RAB38: variants seen among roughly 807,000 people sequenced by gnomAD.
The protein encoded by RAB38 is RAB38, member RAS oncogene family.
In RAB38, 15 loss-of-function variants were observed where a neutral mutation model predicts 18.4. The observed-to-expected ratio is 0.82, with a 90% CI of 0.55 to 1.26. RAB38 has a LOEUF of 1.26. Among genes scored for constraint, RAB38 ranks in the 50% most tolerant of loss-of-function variants. The pLI is 0.00. For synonymous variants in RAB38, 101 were observed against 104.4 expected, an observed-to-expected ratio of 0.97 and a Z score of 0.20; for missense variants, 294 against 267.4, an observed-to-expected ratio of 1.10 and a Z score of -0.69.
the RAB38 span, among the ~76,000 whole-genome samples, chr11:87,814,370 T>C: frequency 6.6e-6 from 1 of 152,220 alleles, no homozygotes; most frequent in African/African-American, 2.4e-5. Context: ...GAATGTATTA[T>C]AGCTGATCAA....
chr11:88,064,845 G>C, the RAB38 span, among the ~76,000 whole-genome samples: 8 of 152,118 alleles, frequency 5.3e-5, no homozygotes, highest in African/African-American at 1.9e-4. Context: ...AATGCCTACT[G>C]TTTGTCAAAT....
At chr11:88,056,763 C>A in the RAB38 span, among the ~76,000 whole-genome samples, 1 of 152,030 alleles carries the variant, frequency 6.6e-6, no homozygotes, top group Admixed American at 6.5e-5. Flanking sequence ...AAGATCGCAC[C>A]ACTGCACTCC....
At chr11:88,117,188 C>T (rs937093732) in intron 2 of RAB38, among the ~76,000 whole-genome samples, 3 of 152,172 alleles carry the variant, frequency 2.0e-5, no homozygotes, top group Non-Finnish European at 4.4e-5. Context: ...GTGACTGAGT[C>T]AGGTTCATTC....
the RAB38 span, among the ~76,000 whole-genome samples, chr11:87,808,839 G>T: frequency 2.0e-5 from 3 of 151,972 alleles, no homozygotes; most frequent in Non-Finnish European, 2.9e-5. Context: ...ACATATATCA[G>T]GAGGGATGAT....
At chr11:87,821,166 G>A in the RAB38 span, among the ~76,000 whole-genome samples, 167 of 152,088 alleles carry the variant, frequency 1.1e-3, no homozygotes, top group Non-Finnish European at 1.9e-3. Flanking sequence ...TTAAAAAGCC[G>A]GGCACATTAT....
At chr11:88,105,680 A>G in the RAB38 span, among the ~76,000 whole-genome samples, 1 of 152,086 alleles carries the variant, frequency 6.6e-6, no homozygotes, top group Non-Finnish European at 1.5e-5. Context: ...TTTTCTAAAG[A>G]ATTGGAAAAA....
chr11:87,976,654 AT>A, the RAB38 span, among the ~76,000 whole-genome samples: 1 of 22,428 alleles, frequency 4.5e-5, no homozygotes, highest in Non-Finnish European at 8.9e-5. Flanking sequence ...TGATATATAA[AT>A]ATATATAATT....
chr11:87,910,633 C>CTTTTTTTTTTTTTTTT, the RAB38 span, among the ~76,000 whole-genome samples: 1 of 131,104 alleles, frequency 7.6e-6, no homozygotes, highest in African/African-American at 3.4e-5. Context: ...AGTTCATTTT[C>CTTTTTTTTTTTTTTTT]TTTTTTTTTT....
At chr11:87,941,212 G>GATATAATATATATATATATATATAT in the RAB38 span, among the ~76,000 whole-genome samples, 1 of 37,802 alleles carries the variant, frequency 2.6e-5, no homozygotes, top group African/African-American at 1.3e-4. Flanking sequence ...ATAAATATAT[G>GATATAATATATATATATATATATAT]AGATATATAT....
rs566224414 is a variant in RAB38 at position 88,125,384 on chromosome 11, C to T, written c.484-11244G>A. ...ATCTCTATCTGTAGATCCCCTGCCC[C>T]TCCAGAACAAACATAACTTTTTTGG... On this transcript the variant is annotated intron_variant, in intron 2 of 2. Coordinates refer to ENST00000243662, the MANE Select transcript of RAB38 (RefSeq NM_022337.3). Among the ~76,000 whole-genome samples, 7 of 152,254 alleles carry T rather than the reference C, an allele frequency of 4.6e-5. 1 individual carries two copies. In the South Asian group the frequency reaches 1.5e-3, roughly 32 times the overall value.
chr11:88,062,867 G>T, the RAB38 span, among the ~76,000 whole-genome samples: 1 of 152,140 alleles, frequency 6.6e-6, no homozygotes, highest in Non-Finnish European at 1.5e-5. Flanking sequence ...ACAGAGATTT[G>T]TCAAACCCCA....
chr11:88,153,316 C>G (rs1177396547), intron 1 of RAB38, among the ~76,000 whole-genome samples: 1 of 152,190 alleles, frequency 6.6e-6, no homozygotes, highest in Non-Finnish European at 1.5e-5. Flanking sequence ...CACTTGGTGT[C>G]ATAGACTCAG....
chr11:87,960,360 A>T, the RAB38 span, among the ~76,000 whole-genome samples: 1 of 149,406 alleles, frequency 6.7e-6, no homozygotes, highest in Non-Finnish European at 1.5e-5. Flanking sequence ...GTAACTCCTT[A>T]AACAGAGATG....
At chr11:88,093,091 T>A in the RAB38 span, among the ~76,000 whole-genome samples, 10,739 of 151,982 alleles carry the variant, frequency 0.071, 558 homozygotes, top group East Asian at 0.19. Context: ...TCTGTATATT[T>A]CTCAAGATTA....
the RAB38 span, among the ~76,000 whole-genome samples, chr11:88,040,703 AAACAACAACAAC>A: frequency 0.68 from 101,269 of 149,022 alleles, 34,559 homozygotes; most frequent in East Asian, 0.74. Flanking sequence ...ACCCTGTCTC[AAACAACAACAAC>A]AACAACAACA....
At chr11:87,925,239 T>G in the RAB38 span, among the ~76,000 whole-genome samples, 5 of 152,084 alleles carry the variant, frequency 3.3e-5, no homozygotes, top group Non-Finnish European at 5.9e-5. Flanking sequence ...TTGGTGTAAG[T>G]CATAAATACT....
At chr11:88,130,471 G>A (rs536676070) in intron 2 of RAB38, among the ~76,000 whole-genome samples, 6 of 152,214 alleles carry the variant, frequency 3.9e-5, no homozygotes, top group South Asian at 2.1e-4. Context: ...CTGAAGAGAC[G>A]GACTAGCACT....
At chr11:87,916,888 G>A in the RAB38 span, among the ~76,000 whole-genome samples, 1 of 152,144 alleles carries the variant, frequency 6.6e-6, no homozygotes, top group Non-Finnish European at 1.5e-5. Context: ...ATAGTGGACT[G>A]ACTAAATGAA....
At chr11:87,812,759 G>A in the RAB38 span, among the ~76,000 whole-genome samples, 2 of 152,180 alleles carry the variant, frequency 1.3e-5, no homozygotes, top group South Asian at 4.1e-4. Context: ...CCTCACGTCA[G>A]TAATTTCTGG....
Sources: allele counts gnomAD v4.1 joint callset (sites outside exome capture counted in the v4.1 genomes callset), GRCh38; gene constraint gnomAD v4.1.1; transcripts MANE v1.5; gene names NCBI Gene and HGNC (gene_info 2026-07-23, HGNC 2026-07-21).